MAPK10: variants seen among roughly 807,000 people sequenced by gnomAD.
MAPK10 encodes mitogen-activated protein kinase 10, also known as JNK3 alpha protein kinase.
In MAPK10, 25 loss-of-function variants were observed where a neutral mutation model predicts 59.3. That is an observed-to-expected ratio of 0.42 (90% CI 0.31 to 0.59). MAPK10 has a LOEUF of 0.59. Among genes scored for constraint, MAPK10 ranks in the 20% least tolerant of loss-of-function variants. The pLI is 0.15. For synonymous variants in MAPK10, 190 were observed against 200.5 expected (o/e 0.95, Z 0.44); for missense variants, 351 against 568.9 (o/e 0.62, Z 3.90).
intron 2 of MAPK10, among the ~76,000 whole-genome samples, chr4:86,310,370 A>C (rs541361581): frequency 1.5e-3 from 230 of 152,306 alleles, no homozygotes; most frequent in Non-Finnish European, 2.6e-3. Context: ...TTCACAAGAC[A>C]TATGTTAGTA....
chr4:86,089,107 G>A (rs2052551495), intron 9 of MAPK10: 1 of 881,210 alleles, frequency 1.1e-6, no homozygotes, highest in African/African-American at 1.7e-5. Flanking sequence ...AACTCTCTAA[G>A]GACAGTGAAC....
At chr4:86,034,220 C>T (rs1335870603) in intron 11 of MAPK10, among the ~76,000 whole-genome samples, 2 of 152,030 alleles carry the variant, frequency 1.3e-5, no homozygotes, top group Non-Finnish European at 2.9e-5. Flanking sequence ...TGACTTTCAC[C>T]CTTTGAATAT....
At chr4:86,566,799 G>A (rs1453167087) in intron 1 of MAPK10, among the ~76,000 whole-genome samples, 2 of 152,090 alleles carry the variant, frequency 1.3e-5, no homozygotes, top group Non-Finnish European at 2.9e-5. Context: ...GCTAGATGCA[G>A]TGGCTCTCAC....
At chr4:86,509,319 G>A (rs753604150) in intron 1 of MAPK10, among the ~76,000 whole-genome samples, 24 of 152,014 alleles carry the variant, frequency 1.6e-4, no homozygotes, top group Non-Finnish European at 2.9e-4. Context: ...TATTCTATAC[G>A]GACATAAAGA....
chr4:86,528,937 T>C (rs1757671842), intron 1 of MAPK10, among the ~76,000 whole-genome samples: 1 of 152,218 alleles, frequency 6.6e-6, no homozygotes, highest in African/African-American at 2.4e-5. Flanking sequence ...CCTTCAGTTT[T>C]AGATTGAAAG....
intron 2 of MAPK10, among the ~76,000 whole-genome samples, chr4:86,304,682 G>A (rs1021053897): frequency 1.3e-5 from 2 of 152,096 alleles, no homozygotes; most frequent in African/African-American, 2.4e-5. Flanking sequence ...GTGAGCCACC[G>A]CGCCCAGCCG....
intron 4 of MAPK10, among the ~76,000 whole-genome samples, chr4:86,136,496 G>A (rs2062137928): frequency 6.7e-6 from 1 of 149,344 alleles, no homozygotes; most frequent in Non-Finnish European, 1.5e-5. Context: ...GAGAGATTTT[G>A]TCCCACCAGG....
chr4:86,101,492 T>C, intron 7 of MAPK10: 1 of 413,532 alleles, frequency 2.4e-6, no homozygotes, highest in East Asian at 4.3e-5. Context: ...TGTCTTCTGT[T>C]AGGTTTCTCC....
intron 2 of MAPK10, among the ~76,000 whole-genome samples, chr4:86,331,975 A>G (rs2096166139): frequency 6.6e-6 from 1 of 152,168 alleles, no homozygotes; most frequent in South Asian, 2.1e-4. Context: ...CATTAACTGT[A>G]TCTTTCTGTC....
Position 86,471,379 on chromosome 4 carries a change from C to T in MAPK10, c.-262-116735G>A, listed in dbSNP as rs150200385. 7.9e-4 allele frequency among the ~76,000 whole-genome samples: 119 copies of T among 151,194 alleles called. 1 individual carries two copies. The highest frequency in any genetic ancestry group is 2.6e-3 in the African/African-American group (109 of 41,196). Reference sequence around the variant, plus strand: ...ATCATTAAGGAAAAAAGTCTTATTTCGTAAGTGTTAAACTGATGTATTCTT... The same window carrying T: ...ATCATTAAGGAAAAAAGTCTTATTTTGTAAGTGTTAAACTGATGTATTCTT... On this transcript the variant is annotated intron_variant, in intron 1 of 4. Coordinates refer to the MAPK10 transcript ENST00000502302.
rs539399584 is a variant in MAPK10 at position 86,428,016 on chromosome 4, T to C, written c.-122+25014A>G. On this transcript the variant is annotated intron_variant, in intron 1 of 13. Transcript: ENST00000361569. ...TTTGACTTCTAGTATCAGCAACACC[T>C]TATTCTGTAAAGTAGAATGAGTGCT... is the stretch of plus-strand genomic sequence containing the variant. 3.3e-5 allele frequency among the ~76,000 whole-genome samples: 5 copies of C among 152,338 alleles called. No individual in the cohort carries two copies. The East Asian group carries it at 9.6e-4, about 29-fold the overall frequency.
At chr4:86,262,411 A>G (rs1187060694) in intron 2 of MAPK10, among the ~76,000 whole-genome samples, 2 of 152,206 alleles carry the variant, frequency 1.3e-5, no homozygotes, top group Non-Finnish European at 2.9e-5. Flanking sequence ...TTGTAGCCGC[A>G]TAAAGCAGAC....
intron 2 of MAPK10, among the ~76,000 whole-genome samples, chr4:86,301,291 A>G (rs568348914): frequency 3.1e-3 from 475 of 152,082 alleles, no homozygotes; most frequent in Non-Finnish European, 5.4e-3. Flanking sequence ...TACTAATGGG[A>G]ACTTTCACTG....
chr4:86,512,348 T>C (rs1001830658), intron 1 of MAPK10, among the ~76,000 whole-genome samples: 3 of 152,318 alleles, frequency 2.0e-5, no homozygotes, highest in Non-Finnish European at 4.4e-5. Context: ...GCATTGGCTA[T>C]ATTACCAAGG....
chr4:86,182,856 A>C (rs2077216408), intron 3 of MAPK10, among the ~76,000 whole-genome samples: 1 of 152,118 alleles, frequency 6.6e-6, no homozygotes, highest in Non-Finnish European at 1.5e-5. Context: ...CTGTGTATTA[A>C]AAGCTCATAA....
intron 4 of MAPK10, among the ~76,000 whole-genome samples, chr4:86,129,346 A>G (rs1299301510): frequency 1.3e-5 from 2 of 152,176 alleles, no homozygotes; most frequent in Non-Finnish European, 2.9e-5. Context: ...AAAGCATATA[A>G]AAGTCACAAA....
chr4:86,426,250 T>C (rs1579174496), intron 1 of MAPK10, among the ~76,000 whole-genome samples: 1 of 152,234 alleles, frequency 6.6e-6, no homozygotes, highest in East Asian at 1.9e-4. Flanking sequence ...TTTATTATAA[T>C]CTTTAAGATG....
rs199955104 is a variant in MAPK10 at position 86,444,720 on chromosome 4, G to GA, written c.-122+8309dup. Among the ~76,000 whole-genome samples the GA allele has an allele frequency of 1.6e-3, 202 of 126,976 alleles. 1 individual carries two copies. In the South Asian group the frequency reaches 0.018, roughly 11 times the overall value. The allele number at this position is 126,976 out of a possible 152,430, so 83.3% of individuals were successfully genotyped here. On this transcript the variant is annotated intron_variant, in intron 1 of 13. Transcript: ENST00000361569. The stretch of plus-strand genomic sequence containing the variant: ...ACAGGGGACTTAAACAAATTTACAA[G>GA]AAAAAAAAAAAACAACCCTATCAAA...
Position 86,101,074 on chromosome 4 carries a change from C to T in MAPK10, c.708G>A (p.Leu236=), listed in dbSNP as rs1267536247. The part of the protein sequence containing the change: ...TRYYRAPEVI[L]GMGYKENVDI... ...TACCGTTCTCCTTGTAGCCCATCCC[C>T]AGGATGACCTCAGGGGCTCTGTAAT... Residue 236 remains leucine, a synonymous_variant, in exon 8 of 14, where the codon CTG becomes CTA. Coordinates refer to ENST00000641462, the MANE Select transcript of MAPK10 (RefSeq NM_138982.4). The T allele has an allele frequency of 3.7e-6, 6 of 1,613,844 alleles. No individual in the cohort carries two copies. Among genetic ancestry groups the T allele is most frequent in the Non-Finnish European group, 5.1e-6 (6 of 1,179,858 alleles).
Sources: gnomAD v4.1 joint callset for allele counts (sites outside exome capture counted in the v4.1 genomes callset) on GRCh38, gnomAD v4.1.1 for gene constraint, MANE v1.5 for transcripts, NCBI Gene and HGNC (gene_info 2026-07-23, HGNC 2026-07-21) for gene names.